The following PPIE variants were observed in gnomAD, a reference collection of about 807,000 sequenced individuals.
PPIE encodes the protein peptidylprolyl isomerase E.
Under a neutral mutation model 38.4 loss-of-function variants are expected in PPIE, and 20 were observed. The ratio of observed to expected loss-of-function variants is 0.52; its 90% CI spans 0.37 to 0.76. The LOEUF (loss-of-function observed/expected upper bound fraction) is 0.76, where lower values mean the gene tolerates loss of function less well. Among genes scored for constraint, PPIE ranks in the 30% least tolerant of loss-of-function variants. The pLI, the probability that PPIE is intolerant of heterozygous loss-of-function variation, is 0.00. For synonymous variants in PPIE, 142 were observed against 135.7 expected (o/e 1.05, Z -0.32); for missense variants, 322 against 385.8 (o/e 0.83, Z 1.39).
chr1:39,758,487 A>G (rs1648530001), downstream of PPIE: 1 of 152,290 alleles, frequency 6.6e-6, no homozygotes, highest in South Asian at 2.1e-4. Context: ...TTGGCCTCCC[A>G]AAGTGCTGGG....
In PPIE at chr1:39,740,208, G is replaced by C. The variant is rs140630770; in HGVS notation, c.75G>C (p.Ala25=). 4.3e-6 allele frequency: 7 copies of C among 1,614,154 alleles called. No homozygotes were observed. In the East Asian group the frequency reaches 1.1e-4, roughly 26 times the overall value. ...EEVDDKVLHA[A]FIPFGDITDI... is the part of the protein sequence containing the mutation. ...TGGACGACAAAGTTCTTCATGCTGC[G>C]TTCATTCCTTTTGGAGACATCACAG... Residue 25 remains alanine (A), a synonymous_variant, in exon 2 of 10, where the codon GCG becomes GCC. Coordinates refer to ENST00000324379, the MANE Select transcript of PPIE (RefSeq NM_006112.4).
In PPIE at chr1:39,749,038, A is replaced by G. The variant is rs750345757; in HGVS notation, c.644A>G (p.Tyr215Cys). Residue 215 changes from tyrosine to cysteine, a missense_variant, in exon 8 of 10, where the codon TAT (tyrosine) becomes TGT (cysteine). Transcript: ENST00000324379. ...NHNGTGGKSIYGKKFDDENFI... is the reference protein window; with the variant it reads ...NHNGTGGKSICGKKFDDENFI... ...AATGGCACTGGGGGCAAGTCCATCTATGGGAAGAAGTTCGATGATGAAAAC... is the reference window on the plus strand; with the variant it reads ...AATGGCACTGGGGGCAAGTCCATCTGTGGGAAGAAGTTCGATGATGAAAAC... The G allele has an allele frequency of 1.2e-6, 2 of 1,610,530 alleles. No individual in the cohort carries two copies. The highest frequency in any genetic ancestry group is 1.1e-5 in the South Asian group (1 of 90,292).
intron 1 of PPIE, 118 bp from the exon 2 acceptor site, chr1:39,740,047 T>C: frequency 1.5e-6 from 1 of 689,134 alleles, no homozygotes. Context: ...GGATGTTTGT[T>C]TACCCAAAGA....
chr1:39,746,955 T>C (rs1010894044), intron 7 of PPIE: 1 of 152,234 alleles, frequency 6.6e-6, no homozygotes, highest in Non-Finnish European at 1.5e-5. Flanking sequence ...TATTAAATAA[T>C]AACTCCCCAT....
chr1:39,763,870 G>T, exon 10 of PPIE: 4 of 1,445,554 alleles, frequency 2.8e-6, no homozygotes, highest in Non-Finnish European at 3.8e-6. Flanking sequence ...GGTGGGGGAT[G>T]CCCTGATGAG....
chr1:39,755,743 T>C lies in PPIE; in HGVS notation c.*2388T>C. 1.0e-6 allele frequency: 1 copy of C among 985,350 alleles called. No homozygotes were observed. The highest frequency in any genetic ancestry group is 1.2e-6 in the Non-Finnish European group (1 of 829,896). 61.0% of individuals were successfully genotyped at this position (985,350 alleles called of 1,614,324 possible). ...TGGGCAGTTCTGAAAGCTCAGCAGG[T>C]TTGGAGCCATTGGGTGTGGACTCCT... On this transcript the variant is annotated 3_prime_UTR_variant, in exon 10 of 10. Coordinates refer to ENST00000324379, the MANE Select transcript of PPIE (RefSeq NM_006112.4).
intron 6 of PPIE, among the ~76,000 whole-genome samples, chr1:39,744,656 A>C (rs1039819849): frequency 2.0e-5 from 3 of 152,220 alleles, no homozygotes; most frequent in Non-Finnish European, 4.4e-5. Flanking sequence ...AAGTTTGCCT[A>C]AAATGGATTC....
At chr1:39,747,105 A>G (rs1647238372) in intron 7 of PPIE, 1 of 152,208 alleles carries the variant, frequency 6.6e-6, no homozygotes, top group Non-Finnish European at 1.5e-5. Flanking sequence ...TAATGCTTTC[A>G]AGGTTCATCC....
At position 39,749,093 on chromosome 1, in the gene PPIE, G is replaced by A. The variant is rs1647424468; in HGVS notation, c.694+5G>A. On this transcript the variant is annotated splice_donor_5th_base_variant and intron_variant, in intron 8 of 9. Transcript: ENST00000324379. ...TCCTCAAGCATACGGGACCAGGTAGGAGCCAGTTGGCATGTGGTGACGAGG... is the reference window on the plus strand; with the variant it reads ...TCCTCAAGCATACGGGACCAGGTAGAAGCCAGTTGGCATGTGGTGACGAGG... The A allele has an allele frequency of 1.3e-6, 2 of 1,581,464 alleles. No homozygotes were observed. Among genetic ancestry groups the A allele is most frequent in the African/African-American group, 1.4e-5 (1 of 73,702 alleles).
chr1:39,739,171 T>C, intron 1 of PPIE: 1 of 415,234 alleles, frequency 2.4e-6, no homozygotes, highest in Non-Finnish European at 4.2e-6. Flanking sequence ...TTTGCTTTGC[T>C]TCCCGATTCG....
At chr1:39,743,747 C>G (rs1647120853) in intron 5 of PPIE, 77 bp from the exon 6 acceptor site, 2 of 1,205,530 alleles carry the variant, frequency 1.7e-6, no homozygotes, top group African/African-American at 3.0e-5. Context: ...GCATCTTCCA[C>G]TTTGCTGACC....
At chr1:39,762,721 A>T (rs1649165678) in intron 9 of PPIE, 1 of 1,443,232 alleles carries the variant, frequency 6.9e-7, no homozygotes, top group South Asian at 1.5e-5. Flanking sequence ...TTGCCAGCGT[A>T]CTCGGCGGCC....
rs1208233586 is a variant in PPIE at position 39,753,791 on chromosome 1, A to G, written c.*436A>G. On this transcript the variant is annotated 3_prime_UTR_variant, in exon 10 of 10. Coordinates refer to ENST00000324379, the MANE Select transcript of PPIE (RefSeq NM_006112.4). ...AGGCAGGCTGGTGAGTGGGGAGAGC[A>G]GAGCATCTTTTTCACAGCTTTCATT... The G allele has an allele frequency of 6.0e-6, 6 of 998,900 alleles. No homozygotes were observed. The highest frequency in any genetic ancestry group is 4.5e-5 in the South Asian group (1 of 22,462). The allele number at this position is 998,900 out of a possible 1,614,324, so 61.9% of individuals were successfully genotyped here.
intron 9 of PPIE, chr1:39,763,615 A>G: frequency 1.4e-6 from 2 of 1,428,780 alleles, no homozygotes; most frequent in South Asian, 2.6e-5. Context: ...TACATAAGAA[A>G]ATTGAAGTCA....
rs80130001 is a variant in PPIE at position 39,754,552 on chromosome 1, C to G, written c.*1197C>G. On this transcript the variant is annotated 3_prime_UTR_variant, in exon 10 of 10. Coordinates refer to ENST00000324379, the MANE Select transcript of PPIE (RefSeq NM_006112.4). ...GGTAATCTGCTTTACTCTCTACTGA[C>G]TTAAATATTAATCCATCTAAAAAAT... Among the ~76,000 whole-genome samples the G allele has an allele frequency of 2.1e-3, 314 of 152,298 alleles. 2 individuals are homozygous for G. Among genetic ancestry groups the G allele is most frequent in the African/African-American group, 7.1e-3 (295 of 41,560 alleles).
At chr1:39,752,494 C>T (rs1327148870) in intron 8 of PPIE, among the ~76,000 whole-genome samples, 1 of 152,184 alleles carries the variant, frequency 6.6e-6, no homozygotes. Flanking sequence ...CAGACACACA[C>T]ATATACATGT....
chr1:39,740,593 C>G (rs1290524126), intron 2 of PPIE, among the ~76,000 whole-genome samples: 1 of 152,172 alleles, frequency 6.6e-6, no homozygotes, highest in African/African-American at 2.4e-5. Flanking sequence ...CCCACCTGCA[C>G]CTTCTTGCAG....
At chr1:39,760,600 G>A (rs767351961), downstream of PPIE, 15 of 1,605,202 alleles carry the variant, frequency 9.3e-6, no homozygotes, top group Non-Finnish European at 1.2e-5. Flanking sequence ...GCAGGGGCAT[G>A]AGCCCAGTGG....
downstream of PPIE, chr1:39,760,555 A>T (rs762907004): frequency 5.0e-6 from 8 of 1,613,830 alleles, no homozygotes; most frequent in Non-Finnish European, 3.4e-6. Context: ...TGCGTCTGGC[A>T]TCATCAGGTG....
Sources: gnomAD v4.1 joint callset for allele counts (sites outside exome capture counted in the v4.1 genomes callset) on GRCh38, gnomAD v4.1.1 for gene constraint, MANE v1.5 for transcripts, NCBI Gene and HGNC (gene_info 2026-07-23, HGNC 2026-07-21) for gene names.